CCDC7: variants seen among roughly 807,000 people sequenced by gnomAD.
CCDC7 encodes coiled-coil domain-containing protein 7.
In CCDC7, 183 loss-of-function variants were observed where a neutral mutation model predicts 196.9. That is an observed-to-expected ratio of 0.93 (90% CI 0.82 to 1.05). The LOEUF is 1.05. Ranked by LOEUF, CCDC7 falls within the 50% of genes least tolerant of loss-of-function variation. CCDC7 has a pLI of 0.00. For synonymous variants in CCDC7, 525 were observed against 484.6 expected (o/e 1.08, Z -1.10); for missense variants, 1,540 against 1,482.2 (o/e 1.04, Z -0.64).
intron 33 of CCDC7, among the ~76,000 whole-genome samples, chr10:32,842,560 A>T (rs920268710): frequency 6.6e-6 from 1 of 152,244 alleles, no homozygotes; most frequent in African/African-American, 2.4e-5. Flanking sequence ...CTAAAAGTAG[A>T]TCTACCCTTT....
chr10:32,778,162 T>C (rs2080421715), intron 28 of CCDC7, among the ~76,000 whole-genome samples: 1 of 152,372 alleles, frequency 6.6e-6, no homozygotes, highest in Non-Finnish European at 1.5e-5. Context: ...ATAGTTCCTT[T>C]TGCTGTGCAA....
intron 20 of CCDC7, among the ~76,000 whole-genome samples, chr10:32,658,014 T>C (rs567166577): frequency 1.3e-5 from 2 of 152,292 alleles, no homozygotes; most frequent in African/African-American, 4.8e-5. Context: ...CTTCTTCATC[T>C]CCATCTGAGA....
chr10:32,517,121 T>C (rs1364231640), intron 9 of CCDC7, among the ~76,000 whole-genome samples: 1 of 152,166 alleles, frequency 6.6e-6, no homozygotes, highest in Non-Finnish European at 1.5e-5. Flanking sequence ...TAAAGTTTAA[T>C]TGGAATACAG....
chr10:32,765,503 A>AT (rs2078141559), intron 28 of CCDC7, among the ~76,000 whole-genome samples: 1 of 151,996 alleles, frequency 6.6e-6, no homozygotes, highest in Non-Finnish European at 1.5e-5. Flanking sequence ...GAATTTTCAC[A>AT]TTGGTTTCCT....
chr10:32,568,171 T>C (rs943403186), intron 15 of CCDC7, among the ~76,000 whole-genome samples: 1 of 151,936 alleles, frequency 6.6e-6, no homozygotes, highest in Non-Finnish European at 1.5e-5. Context: ...CATGCCCGGC[T>C]AATTTTTGTA....
chr10:32,703,225 C>T (rs917813893), intron 24 of CCDC7, among the ~76,000 whole-genome samples: 2 of 152,070 alleles, frequency 1.3e-5, no homozygotes, highest in Non-Finnish European at 2.9e-5. Context: ...GACAAAATCT[C>T]TCAGCACTTG....
At chr10:32,835,611 C>T (rs150379658) in intron 33 of CCDC7, among the ~76,000 whole-genome samples, 16 of 152,150 alleles carry the variant, frequency 1.1e-4, no homozygotes, top group Middle Eastern at 6.8e-3. Flanking sequence ...CATGTCCTCA[C>T]CTATAAATGG....
At chr10:32,474,972 A>T (rs2038696145) in intron 8 of CCDC7, among the ~76,000 whole-genome samples, 1 of 152,200 alleles carries the variant, frequency 6.6e-6, no homozygotes, top group Non-Finnish European at 1.5e-5. Flanking sequence ...ACAGCTGCAC[A>T]TCTTACAGCA....
At chr10:32,787,587 C>G (rs2082067464) in intron 29 of CCDC7, among the ~76,000 whole-genome samples, 1 of 152,166 alleles carries the variant, frequency 6.6e-6, no homozygotes, top group Non-Finnish European at 1.5e-5. Context: ...GAGCACTGGA[C>G]TTCCTTGGAC....
intron 18 of CCDC7, among the ~76,000 whole-genome samples, chr10:32,591,910 C>T (rs1315191202): frequency 1.3e-5 from 2 of 152,192 alleles, no homozygotes; most frequent in African/African-American, 4.8e-5. Context: ...CTCTTTCTCA[C>T]TGTGAGCGAC....
chr10:32,670,391 T>TTA, intron 21 of CCDC7, among the ~76,000 whole-genome samples: 1 of 151,502 alleles, frequency 6.6e-6, no homozygotes, highest in East Asian at 1.9e-4. Flanking sequence ...CTTTTTTTTT[T>TTA]AAATTTATTA....
In CCDC7 at chr10:32,882,678, T is replaced by A. The variant is rs2094834653; in HGVS notation, c.*2358-15T>A. On this transcript the variant is annotated splice_polypyrimidine_tract_variant and intron_variant and NMD_transcript_variant, in intron 22 of 22. Coordinates refer to the CCDC7 transcript ENST00000375025. ...TAAATAAAAAAATTATAATTACTTGTTGATTTATTTTCAGAATGTGTCTTT... is the reference window on the plus strand; with the variant it reads ...TAAATAAAAAAATTATAATTACTTGATGATTTATTTTCAGAATGTGTCTTT... 6.6e-6 allele frequency: 1 copy of A among 152,184 alleles called. No individual in the cohort carries two copies. The highest frequency in any genetic ancestry group is 1.5e-5 in the Non-Finnish European group (1 of 68,044). The allele number at this position is 152,184 out of a possible 1,614,324, so 9.4% of individuals were successfully genotyped here.
chr10:32,704,401 A>T (rs1565211961), intron 24 of CCDC7, among the ~76,000 whole-genome samples: 2 of 151,996 alleles, frequency 1.3e-5, no homozygotes, highest in African/African-American at 4.8e-5. Flanking sequence ...CAGCTGTGTG[A>T]GGTGTCAGTT....
At chr10:32,656,953 A>G (rs1259519289) in intron 20 of CCDC7, among the ~76,000 whole-genome samples, 1 of 152,234 alleles carries the variant, frequency 6.6e-6, no homozygotes, top group Non-Finnish European at 1.5e-5. Context: ...TGGCCACAAC[A>G]AAGAGGCTAC....
chr10:32,621,830 T>A (rs2063445779), intron 18 of CCDC7, among the ~76,000 whole-genome samples: 1 of 152,204 alleles, frequency 6.6e-6, no homozygotes, highest in Non-Finnish European at 1.5e-5. Flanking sequence ...GGATGACACC[T>A]GTCCACATTG....
rs528069803 is a variant in CCDC7 at position 32,872,434 on chromosome 10, C to T, written c.4112-3913C>T. 8.8e-3 allele frequency among the ~76,000 whole-genome samples: 1,336 copies of T among 151,828 alleles called. 15 individuals are homozygous for T. The highest frequency in any genetic ancestry group is 0.029 in the African/African-American group (1,218 of 41,468). On this transcript the variant is annotated intron_variant, in intron 41 of 41. Transcript: ENST00000639629. The stretch of plus-strand genomic sequence containing the variant: ...CTTTATTTTGAGCCTATGTGTGTCT[C>T]TGCACGTGAGATGGGTTTCCTGAAT...
At chr10:32,677,867 C>CATCT (rs1256084117) in intron 21 of CCDC7, among the ~76,000 whole-genome samples, 2 of 152,114 alleles carry the variant, frequency 1.3e-5, no homozygotes, top group Non-Finnish European at 2.9e-5. Flanking sequence ...GTATCCCATA[C>CATCT]ATCTTATAGG....
intron 33 of CCDC7, among the ~76,000 whole-genome samples, chr10:32,840,675 C>T (rs2092916821): frequency 1.3e-5 from 2 of 151,260 alleles, no homozygotes; most frequent in Admixed American, 1.3e-4. Context: ...CACCCTAATA[C>T]CAAAACCAGG....
At chr10:32,831,038 A>C (rs1425024243) in intron 32 of CCDC7, among the ~76,000 whole-genome samples, 2 of 152,158 alleles carry the variant, frequency 1.3e-5, no homozygotes, top group Non-Finnish European at 2.9e-5. Context: ...CATCATGCAA[A>C]AATCATAGAG....
Sources: allele counts gnomAD v4.1 joint callset (sites outside exome capture counted in the v4.1 genomes callset), GRCh38; gene constraint gnomAD v4.1.1; transcripts MANE v1.5; gene names NCBI Gene and HGNC (gene_info 2026-07-23, HGNC 2026-07-21).